Variants in UGT2B4 observed in about 807,000 individuals in gnomAD.
The protein encoded by UGT2B4 is UDP-glucuronosyltransferase 2B4.
A neutral mutation model predicts 49.8 loss-of-function variants in UGT2B4; 49 were observed. That is an observed-to-expected ratio of 0.98 (90% CI 0.78 to 1.25). The LOEUF is 1.25. UGT2B4 is among the 50% of genes most tolerant of loss of function. UGT2B4 has a pLI of 0.00. For synonymous variants in UGT2B4, 246 were observed against 217.7 expected, an observed-to-expected ratio of 1.13 and a Z score of -1.14; for missense variants, 729 against 627.7, an observed-to-expected ratio of 1.16 and a Z score of -1.73.
chr4:69,480,729 G>C lies in UGT2B4; in HGVS notation c.1492C>G (p.Leu498Val). ...YHSLDVTGFL[L>V]ACVATVIFII... ...AATATCACAGTTGCCACACAGGCCA[G>C]CAGGAACCCAGTCACATCCAAAGAG... The change falls in exon 6 of 6, where the codon CTG becomes GTG. Residue 498 changes from leucine to valine, a missense_variant. Leu to Val is a conservative substitution (Grantham distance 32). Transcript: ENST00000305107. The C allele has an allele frequency of 6.2e-7, 1 of 1,614,026 alleles. No homozygotes were observed. Among genetic ancestry groups the C allele is most frequent in the Non-Finnish European group, 8.5e-7 (1 of 1,179,956 alleles).
At chr4:69,500,658 AAAGAAAGAAAGG>A (rs1560438423), upstream of UGT2B4, among the ~76,000 whole-genome samples, 4 of 118,634 alleles carry the variant, frequency 3.4e-5, no homozygotes, top group Admixed American at 2.5e-4. Flanking sequence ...AGAAAGAAAG[AAAGAAAGAAAGG>A]AAGGAAAGAA....
At position 69,480,624 on chromosome 4, in the gene UGT2B4, T is replaced by C. The variant is rs761549102; in HGVS notation, c.*10A>G. ...TTATTGGGTTTCCCAGCTTCCAGCCTCAGACGTAATTAATCTCTTTTCCCC... is the reference window on the plus strand; with the variant it reads ...TTATTGGGTTTCCCAGCTTCCAGCCCCAGACGTAATTAATCTCTTTTCCCC... On this transcript the variant is annotated 3_prime_UTR_variant, in exon 6 of 6. Coordinates refer to ENST00000305107, the MANE Select transcript of UGT2B4 (RefSeq NM_021139.3). The C allele has an allele frequency of 3.2e-5, 51 of 1,611,556 alleles. No individual in the cohort carries two copies. In the African/African-American group the frequency reaches 5.5e-4, roughly 17 times the overall value.
chr4:69,493,747 T>C lies in UGT2B4; in HGVS notation c.816A>G (p.Pro272=). The C allele has an allele frequency of 6.2e-7, 1 of 1,611,948 alleles. No homozygotes were observed. The highest frequency in any genetic ancestry group is 8.5e-7 in the Non-Finnish European group (1 of 1,179,064). Residue 272 remains proline (P), a synonymous_variant, in exon 2 of 6, where the codon CCA becomes CCG. Coordinates refer to ENST00000305107, the MANE Select transcript of UGT2B4 (RefSeq NM_021139.3). ...WDFQFPHPLL[P]NVEFVGGLHC... ...GGAGTCCTCCAACGAACTCAACATTTGGTAAGAGTGGGTGAGGAAATTGAA... is the reference window on the plus strand; with the variant it reads ...GGAGTCCTCCAACGAACTCAACATTCGGTAAGAGTGGGTGAGGAAATTGAA...
chr4:69,500,666 A>G (rs79602319), upstream of UGT2B4, among the ~76,000 whole-genome samples: 1,451 of 113,664 alleles, frequency 0.013, 4 homozygotes, highest in Non-Finnish European at 0.014. Flanking sequence ...AGAAAGAAAG[A>G]AAGGAAGGAA....
At chr4:69,495,075 A>G (rs1728104494) in intron 1 of UGT2B4, 66 bp downstream of exon 1, 8 of 1,444,204 alleles carry the variant, frequency 5.5e-6, no homozygotes, top group Non-Finnish European at 6.4e-6. Flanking sequence ...ATGGCTTTAT[A>G]CAAACTCAGC....
At chr4:69,507,233 C>T (rs1196178739) in intron 1 of UGT2B4, among the ~76,000 whole-genome samples, 1 of 152,008 alleles carries the variant, frequency 6.6e-6, no homozygotes, top group Admixed American at 6.6e-5. Flanking sequence ...GGCCATCAGG[C>T]GAGCGAAAGA....
intron 1 of UGT2B4, among the ~76,000 whole-genome samples, chr4:69,504,296 A>G (rs1040971373): frequency 2.6e-5 from 4 of 152,218 alleles, no homozygotes; most frequent in Non-Finnish European, 4.4e-5. Flanking sequence ...AAACAAGTAC[A>G]TTGTAACCCA....
chr4:69,496,959 A>AC (rs1728184432), upstream of UGT2B4, among the ~76,000 whole-genome samples: 1 of 30,444 alleles, frequency 3.3e-5, no homozygotes, highest in Admixed American at 5.7e-4. Flanking sequence ...GAAAAAAAAA[A>AC]AAAAAGTAAA....
At chr4:69,511,871 A>G (rs987287376) in intron 1 of UGT2B4, among the ~76,000 whole-genome samples, 13 of 152,242 alleles carry the variant, frequency 8.5e-5, no homozygotes, top group African/African-American at 2.4e-4. Flanking sequence ...ATATTTATTC[A>G]TGACTCAGTC....
intron 1 of UGT2B4, among the ~76,000 whole-genome samples, chr4:69,514,139 T>C (rs551512100): frequency 6.6e-6 from 1 of 152,298 alleles, no homozygotes. Flanking sequence ...GTGCACAATG[T>C]GCAGGTTTGT....
At position 69,485,359 on chromosome 4, in the gene UGT2B4, C is replaced by A; in HGVS notation, c.1159G>T (p.Gly387Ter). ...ANGIYEAIYH[G>*]IPMVGVPLFA... is the part of the protein sequence containing the mutation. ...AATGGAACGCCCACCATAGGGATTCCATGGTAGATTGCCTCATAGATGCCA... is the reference window on the plus strand; with the variant it reads ...AATGGAACGCCCACCATAGGGATTCAATGGTAGATTGCCTCATAGATGCCA... The change falls in exon 5 of 6, where the codon GGA (glycine) becomes TGA (stop). Residue 387 changes from glycine (G) to a stop codon, truncating the protein, a stop_gained. Transcript: ENST00000305107. LOFTEE classifies it high-confidence loss of function. 2 of 1,613,902 alleles carry A rather than the reference C, an allele frequency of 1.2e-6. No homozygotes were observed.
At chr4:69,497,044 C>G (rs529432396), upstream of UGT2B4, among the ~76,000 whole-genome samples, 3 of 151,978 alleles carry the variant, frequency 2.0e-5, no homozygotes, top group South Asian at 6.2e-4. Flanking sequence ...AGTTTTTTGG[C>G]TATTGTCTTA....
At chr4:69,494,565 T>C (rs1250818645) in intron 1 of UGT2B4, among the ~76,000 whole-genome samples, 2 of 151,992 alleles carry the variant, frequency 1.3e-5, no homozygotes, top group Non-Finnish European at 2.9e-5. Context: ...AAATAAATGG[T>C]TTCCAATCCT....
At chr4:69,514,336 G>A (rs980109001) in intron 1 of UGT2B4, among the ~76,000 whole-genome samples, 2 of 152,054 alleles carry the variant, frequency 1.3e-5, no homozygotes, top group African/African-American at 4.8e-5. Context: ...AGAGCATGCG[G>A]TGTTTGGTTT....
At chr4:69,491,697 C>T (rs1171049878) in intron 2 of UGT2B4, among the ~76,000 whole-genome samples, 1 of 152,066 alleles carries the variant, frequency 6.6e-6, no homozygotes, top group Non-Finnish European at 1.5e-5. Flanking sequence ...CAATCTTTTT[C>T]TTATCCTTCC....
intron 1 of UGT2B4, among the ~76,000 whole-genome samples, chr4:69,523,705 T>TAAA (rs1728897849): frequency 6.6e-6 from 1 of 152,156 alleles, no homozygotes; most frequent in Non-Finnish European, 1.5e-5. Context: ...AGTCAGCCTG[T>TAAA]GCTTTAAAGC....
Position 69,480,659 on chromosome 4 carries a change from G to A in UGT2B4, c.1562C>T (p.Thr521Ile). 6.2e-7 allele frequency: 1 copy of A among 1,613,928 alleles called. No homozygotes were observed. Among genetic ancestry groups the A allele is most frequent in the Non-Finnish European group, 8.5e-7 (1 of 1,179,946 alleles). ...CLFCVWKFVR[T>I]GKKGKRD ...TTAATCTCTTTTCCCCTTCTTTCCT[G>A]TTCTAACAAACTTCCAGACACAAAA... The change falls in exon 6 of 6, where the codon ACA (threonine) becomes ATA (isoleucine). Residue 521 changes from threonine to isoleucine, a missense_variant. Coordinates refer to ENST00000305107, the MANE Select transcript of UGT2B4 (RefSeq NM_021139.3).
At chr4:69,500,606 G>GAAGAAGA (rs1728283019), upstream of UGT2B4, among the ~76,000 whole-genome samples, 1 of 99,510 alleles carries the variant, frequency 1.0e-5, no homozygotes, top group African/African-American at 4.3e-5. Flanking sequence ...AGAAAGCAAG[G>GAAGAAGA]AAGAAAGAAA....
chr4:69,480,386 T>C lies in UGT2B4; in HGVS notation c.*248A>G, dbSNP rs892573766. The C allele has an allele frequency of 6.7e-6, 3 of 447,980 alleles. No individual in the cohort carries two copies. The highest frequency in any genetic ancestry group is 4.3e-5 in the East Asian group (1 of 23,184). 27.8% of individuals were successfully genotyped at this position (447,980 alleles called of 1,614,324 possible). A position where few individuals can be genotyped will look rare whatever the true frequency, so the allele number is the denominator to read the frequency against. On this transcript the variant is annotated 3_prime_UTR_variant, in exon 6 of 6. Transcript: ENST00000305107. Reference sequence around the variant, plus strand: ...TGGAACAATAAATTTCAATATAAGCTCAATACATTTCAATATAACCTCATA... The same window carrying C: ...TGGAACAATAAATTTCAATATAAGCCCAATACATTTCAATATAACCTCATA...
Sources: gnomAD v4.1 joint callset for allele counts (sites outside exome capture counted in the v4.1 genomes callset) on GRCh38, gnomAD v4.1.1 for gene constraint, MANE v1.5 for transcripts, NCBI Gene and HGNC (gene_info 2026-07-23, HGNC 2026-07-21) for gene names.